ATP8A2: variants seen among roughly 807,000 people sequenced by gnomAD.
ATP8A2 encodes the protein phospholipid-transporting ATPase IB.
A neutral mutation model predicts 165.6 loss-of-function variants in ATP8A2; 100 were observed. The observed-to-expected ratio is 0.60, with a 90% CI of 0.51 to 0.71. ATP8A2 has a LOEUF of 0.71. Among genes scored for constraint, ATP8A2 ranks in the 30% least tolerant of loss-of-function variants. The pLI, the probability that ATP8A2 is intolerant of heterozygous loss-of-function variation, is 0.00. For missense variants in ATP8A2, 1,227 were observed against 1,479.5 expected, an observed-to-expected ratio of 0.83 and a Z score of 2.80; for synonymous variants, 543 against 548.8, an observed-to-expected ratio of 0.99 and a Z score of 0.15.
At chr13:25,551,942 TAAA>T (rs926909812) in intron 11 of ATP8A2, among the ~76,000 whole-genome samples, 1 of 152,062 alleles carries the variant, frequency 6.6e-6, no homozygotes, top group Non-Finnish European at 1.5e-5. Context: ...TTGTGTCTCT[TAAA>T]GAAGCTAAAG....
At chr13:26,015,358 A>ATTGTAGAGTCC (rs1332527761) in intron 36 of ATP8A2, among the ~76,000 whole-genome samples, 1 of 152,156 alleles carries the variant, frequency 6.6e-6, no homozygotes, top group Non-Finnish European at 1.5e-5. Context: ...CTGTCCAGGA[A>ATTGTAGAGTCC]ACTAGCAGGA....
intron 1 of ATP8A2, among the ~76,000 whole-genome samples, chr13:25,458,249 CT>C (rs1354160046): frequency 6.6e-6 from 1 of 152,182 alleles, no homozygotes; most frequent in East Asian, 1.9e-4. Context: ...ACTAATTCTT[CT>C]TTGTAATACA....
chr13:25,860,739 C>A (rs769484677), intron 31 of ATP8A2, 65 bp from the exon 32 acceptor site: 92 of 1,316,668 alleles, frequency 7.0e-5, no homozygotes, highest in Non-Finnish European at 9.1e-5. Flanking sequence ...GATGGGATTT[C>A]TCATGGAAAG....
At chr13:25,823,296 G>C (rs1951226842) in intron 27 of ATP8A2, among the ~76,000 whole-genome samples, 1 of 151,758 alleles carries the variant, frequency 6.6e-6, no homozygotes, top group African/African-American at 2.4e-5. Flanking sequence ...ATTGTATGTT[G>C]GGCTTTGTAA....
chr13:25,817,192 C>G (rs775733451), intron 27 of ATP8A2, among the ~76,000 whole-genome samples: 12 of 152,086 alleles, frequency 7.9e-5, no homozygotes, highest in Non-Finnish European at 1.6e-4. Flanking sequence ...CAAGCCAGCT[C>G]AGAATTTGGA....
intron 27 of ATP8A2, among the ~76,000 whole-genome samples, chr13:25,786,415 A>G (rs1188260707): frequency 2.0e-5 from 3 of 152,224 alleles, no homozygotes; most frequent in African/African-American, 2.4e-5. Flanking sequence ...GATTCATCCT[A>G]TTAAATACTA....
chr13:25,891,745 C>A (rs1473751744), intron 33 of ATP8A2, among the ~76,000 whole-genome samples: 2 of 152,164 alleles, frequency 1.3e-5, no homozygotes, highest in African/African-American at 4.8e-5. Context: ...ATTCCTGCCT[C>A]TGCATTTAAG....
At chr13:25,936,902 T>G (rs1170139472) in intron 33 of ATP8A2, among the ~76,000 whole-genome samples, 3 of 151,990 alleles carry the variant, frequency 2.0e-5, no homozygotes, top group Admixed American at 2.0e-4. Flanking sequence ...TATGAAAGGG[T>G]TTTACTTTTT....
intron 33 of ATP8A2, among the ~76,000 whole-genome samples, chr13:25,959,881 A>G (rs1955617876): frequency 6.6e-6 from 1 of 152,164 alleles, no homozygotes; most frequent in South Asian, 2.1e-4. Context: ...ATGAATTCTG[A>G]GAGATGTAAT....
chr13:25,729,647 C>G (rs1345462964), intron 25 of ATP8A2, among the ~76,000 whole-genome samples: 1 of 152,036 alleles, frequency 6.6e-6, no homozygotes, highest in African/African-American at 2.4e-5. Context: ...GAAGTCGGTC[C>G]TGCCCTACAC....
intron 24 of ATP8A2, among the ~76,000 whole-genome samples, chr13:25,659,664 A>G (rs1290688542): frequency 2.0e-5 from 3 of 152,134 alleles, no homozygotes; most frequent in South Asian, 4.1e-4. Flanking sequence ...ATGGTGGGGG[A>G]AAAAGAAAAA....
chr13:25,695,272 G>A (rs9511879), intron 24 of ATP8A2, among the ~76,000 whole-genome samples: 38,944 of 151,896 alleles, frequency 0.26, 5,326 homozygotes, highest in South Asian at 0.46. Flanking sequence ...ACTAAAATAC[G>A]CTAACAATCG....
Position 25,575,698 on chromosome 13 carries a change from T to C in ATP8A2, c.1712+841T>C, listed in dbSNP as rs181231107. Reference sequence around the variant, plus strand: ...GTTTGCAGGCATCGACTTGGAACCATGGGGAGGGGAGGAGGGATGGCTGAT... The same window carrying C: ...GTTTGCAGGCATCGACTTGGAACCACGGGGAGGGGAGGAGGGATGGCTGAT... On this transcript the variant is annotated intron_variant, in intron 19 of 36. Transcript: ENST00000381655. Among the ~76,000 whole-genome samples, 344 of 152,146 alleles carry C rather than the reference T, an allele frequency of 2.3e-3. 1 individual carries two copies. The highest frequency in any genetic ancestry group is 2.4e-3 in the Non-Finnish European group (166 of 67,984).
At chr13:25,693,285 A>G (rs9578909) in intron 24 of ATP8A2, among the ~76,000 whole-genome samples, 15,963 of 152,200 alleles carry the variant, frequency 0.1, 964 homozygotes, top group East Asian at 0.26. Flanking sequence ...TAATACCTTC[A>G]ATTGGCTCGC....
chr13:25,613,341 G>C (rs2040738092), intron 24 of ATP8A2, among the ~76,000 whole-genome samples: 1 of 152,132 alleles, frequency 6.6e-6, no homozygotes, highest in African/African-American at 2.4e-5. Context: ...CCAGCACTTT[G>C]GAAGACCAAG....
Position 25,543,376 on chromosome 13 carries a change from A to G in ATP8A2, c.865A>G (p.Thr289Ala), listed in dbSNP as rs1402679887. Residue 289 changes from threonine (T) to alanine (A), a missense_variant, in exon 10 of 37, where the codon ACT (threonine) becomes GCT (alanine). Transcript: ENST00000381655. ...GTGGGTCTTTGGCATAGTTGTTTAT[A>G]CTGGACACGACACCAAACTCATGCA... Reference protein sequence around the residue: ...TQWVFGIVVYTGHDTKLMQNS... With the variant: ...TQWVFGIVVYAGHDTKLMQNS... The G allele has an allele frequency of 2.5e-6, 4 of 1,609,096 alleles. 1 individual carries two copies. The South Asian group carries it at 4.4e-5, about 18-fold the overall frequency.
chr13:25,683,423 T>C (rs914876682), intron 24 of ATP8A2, among the ~76,000 whole-genome samples: 1 of 152,198 alleles, frequency 6.6e-6, no homozygotes, highest in Non-Finnish European at 1.5e-5. Context: ...AGATTTTGTG[T>C]GTAGTTTTAT....
intron 35 of ATP8A2, among the ~76,000 whole-genome samples, chr13:25,992,595 CT>C (rs1956416667): frequency 1.3e-5 from 2 of 151,926 alleles, no homozygotes. Context: ...GTGAATTATG[CT>C]TTTGGTGTCA....
chr13:25,584,235 G>A (rs1277375330), intron 23 of ATP8A2, among the ~76,000 whole-genome samples: 1 of 152,170 alleles, frequency 6.6e-6, no homozygotes, highest in Admixed American at 6.5e-5. Flanking sequence ...GCTCAGGAAA[G>A]CATATACGTC....
Sources: gnomAD v4.1 joint callset for allele counts (sites outside exome capture counted in the v4.1 genomes callset) on GRCh38, gnomAD v4.1.1 for gene constraint, MANE v1.5 for transcripts, NCBI Gene and HGNC (gene_info 2026-07-23, HGNC 2026-07-21) for gene names.